Variants in RRP12 observed in about 807,000 individuals in gnomAD.
RRP12 encodes the protein RRP12-like protein.
A neutral mutation model predicts 157.3 loss-of-function variants in RRP12; 78 were observed. The ratio of observed to expected loss-of-function variants is 0.50; its 90% confidence interval spans 0.41 to 0.60. RRP12 has a LOEUF of 0.60. Among genes scored for constraint, RRP12 ranks in the 20% least tolerant of loss-of-function variants. RRP12 has a pLI of 0.00. For missense variants in RRP12, 1,521 were observed against 1,679.9 expected (o/e 0.91, Z 1.65); for synonymous variants, 726 against 670.9 (o/e 1.08, Z -1.27).
At chr10:97,376,863 A>G (rs1364047695) in intron 15 of RRP12, among the ~76,000 whole-genome samples, 1 of 151,564 alleles carries the variant, frequency 6.6e-6, no homozygotes, top group Non-Finnish European at 1.5e-5. Context: ...TCGGCAGGCC[A>G]TACAATTTCT....
At position 97,396,245 on chromosome 10, in the gene RRP12, C is replaced by G; in HGVS notation, c.426G>C (p.Glu142Asp). The G allele has an allele frequency of 6.2e-7, 1 of 1,613,624 alleles. No individual in the cohort carries two copies. Among genetic ancestry groups the G allele is most frequent in the South Asian group, 1.1e-5 (1 of 91,070 alleles). ...GAGCAGCGAAGTACTCAGTCTCCGT[C>G]TCCTTCCCTCCCTGGGAGCGAATCA... ...TEVIRSQGGKETETEYFAALM... is the reference protein window; with the variant it reads ...TEVIRSQGGKDTETEYFAALM... The change falls in exon 3 of 34, where the codon GAG becomes GAC. Residue 142 changes from glutamate (E) to aspartate (D), a missense_variant. Transcript: ENST00000370992.
rs997764353 is a variant in RRP12 at position 97,373,700 on chromosome 10, G to T, written c.1901C>A (p.Thr634Lys). The T allele has an allele frequency of 6.2e-6, 10 of 1,613,700 alleles. No individual in the cohort carries two copies. The African/African-American group carries it at 1.3e-4, about 22-fold the overall frequency. Residue 634 changes from threonine to lysine, a missense_variant, in exon 17 of 34, where the codon ACA becomes AAA. Physicochemically the swap from Thr to Lys is moderately conservative, Grantham distance 78. Coordinates refer to ENST00000370992, the MANE Select transcript of RRP12 (RefSeq NM_015179.4). The part of the protein sequence containing the change: ...TLLPGFCTRP[T>K]DVAISFKGLA... ...CCCTTTGAAGGAGATGGCCACATCT[G>T]TAGGCCTTGTGCAGAACCCAGGCAG...
chr10:97,372,179 G>A lies in RRP12; in HGVS notation c.2250-13C>T. 1 of 1,607,582 alleles carries A rather than the reference G, an allele frequency of 6.2e-7. No homozygotes were observed. Among genetic ancestry groups the A allele is most frequent in the Non-Finnish European group, 8.5e-7 (1 of 1,175,232 alleles). Reference sequence around the variant, plus strand: ...CAGGACAGACAATCTGCTCGGGGCAGGAGGACAAGGAGAGGGATGGGGAGC... The same window carrying A: ...CAGGACAGACAATCTGCTCGGGGCAAGAGGACAAGGAGAGGGATGGGGAGC... On this transcript the variant is annotated splice_polypyrimidine_tract_variant and intron_variant, in intron 19 of 33. Transcript: ENST00000370992.
intron 15 of RRP12, among the ~76,000 whole-genome samples, chr10:97,375,398 C>A (rs899848511): frequency 6.6e-6 from 1 of 152,136 alleles, no homozygotes; most frequent in African/African-American, 2.4e-5. Flanking sequence ...GCTGCTGCAT[C>A]TGGCCAAAAG....
In RRP12 at chr10:97,401,277, A is replaced by T. The variant is rs766206493; in HGVS notation, c.-46T>A. Reference sequence around the variant, plus strand: ...GAATGAGCTTAAATGACCGGCTTCCAGGGACGTAGAAACACGCTCAGAACC... The same window carrying T: ...GAATGAGCTTAAATGACCGGCTTCCTGGGACGTAGAAACACGCTCAGAACC... On this transcript the variant is annotated 5_prime_UTR_variant, in exon 1 of 34. Coordinates refer to ENST00000370992, the MANE Select transcript of RRP12 (RefSeq NM_015179.4). The T allele has an allele frequency of 2.5e-6, 4 of 1,611,192 alleles. No homozygotes were observed. In the Admixed American group the frequency reaches 6.7e-5, roughly 27 times the overall value.
intron 20 of RRP12, chr10:97,371,757 T>G: frequency 3.8e-6 from 1 of 263,842 alleles, no homozygotes; most frequent in Non-Finnish European, 7.4e-6. Flanking sequence ...AAGTAGAGAG[T>G]GGACTGGGTG....
Position 97,358,558 on chromosome 10 carries a change from T to C in RRP12, c.3770A>G (p.Asn1257Ser). ...ATACCTGCGGTTGAGCTTGCTTCTG[T>C]TGAGGGGGATGTAGGCATAGGGATC... ...RPDPYAYIPL[N>S]RSKLNRRKKM... The change falls in exon 33 of 34, where the codon AAC (asparagine) becomes AGC (serine). Residue 1257 changes from asparagine to serine, a missense_variant. By Grantham distance (46) the Asn-to-Ser change is conservative (BLOSUM62 1). Coordinates refer to ENST00000370992, the MANE Select transcript of RRP12 (RefSeq NM_015179.4). 1 of 1,613,860 alleles carries C rather than the reference T, an allele frequency of 6.2e-7. No individual in the cohort carries two copies. Among genetic ancestry groups the C allele is most frequent in the African/African-American group, 1.3e-5 (1 of 74,978 alleles).
intron 3 of RRP12, among the ~76,000 whole-genome samples, chr10:97,394,862 G>T (rs1465047909): frequency 6.6e-6 from 1 of 152,178 alleles, no homozygotes; most frequent in African/African-American, 2.4e-5. Context: ...TAATAACCAG[G>T]CTGGGCATGG....
chr10:97,356,864 T>A lies in RRP12; in HGVS notation c.*230A>T. 2.1e-6 allele frequency: 1 copy of A among 473,394 alleles called. No homozygotes were observed. Among genetic ancestry groups the A allele is most frequent in the Non-Finnish European group, 3.7e-6 (1 of 269,024 alleles). 29.3% of individuals were successfully genotyped at this position (473,394 alleles called of 1,614,324 possible). A position where few individuals can be genotyped will look rare whatever the true frequency, so the allele number is the denominator to read the frequency against. On this transcript the variant is annotated 3_prime_UTR_variant, in exon 34 of 34. Coordinates refer to ENST00000370992, the MANE Select transcript of RRP12 (RefSeq NM_015179.4). ...AGCAAAGGTGCCTCATGGCACCTACTCAGAGGCACTGAGGCCACATTCCCA... is the reference window on the plus strand; with the variant it reads ...AGCAAAGGTGCCTCATGGCACCTACACAGAGGCACTGAGGCCACATTCCCA...
chr10:97,367,872 C>T (rs183118422), intron 25 of RRP12, among the ~76,000 whole-genome samples: 1 of 152,208 alleles, frequency 6.6e-6, no homozygotes, highest in Admixed American at 6.5e-5. Flanking sequence ...GCTGGGATTA[C>T]AGGTGCCTGC....
At chr10:97,398,715 A>G (rs1191568289) in intron 2 of RRP12, among the ~76,000 whole-genome samples, 1 of 152,160 alleles carries the variant, frequency 6.6e-6, no homozygotes, top group South Asian at 2.1e-4. Flanking sequence ...TAGAAAACAT[A>G]TATTTGTAAC....
Position 97,393,742 on chromosome 10 carries a change from C to T in RRP12, c.472G>A (p.Val158Met), listed in dbSNP as rs747038009. 1.7e-5 allele frequency: 27 copies of T among 1,613,930 alleles called. No homozygotes were observed. The highest frequency in any genetic ancestry group is 2.2e-5 in the Non-Finnish European group (26 of 1,179,986). ...FAALMTTMEA[V>M]ESPESLAAVA... ...GCGGCCAGGGACTCCGGGGACTCCACTGCTTCCATTGTTGTCATCTGAGGG... is the reference window on the plus strand; with the variant it reads ...GCGGCCAGGGACTCCGGGGACTCCATTGCTTCCATTGTTGTCATCTGAGGG... Residue 158 changes from valine (V) to methionine (M), a missense_variant, in exon 4 of 34, where the codon GTG becomes ATG. By Grantham distance (21) the Val-to-Met change is conservative. Transcript: ENST00000370992.
rs1197961555 is a variant in RRP12, at chr10:97,401,306, G to A, written c.-75C>T. ...ACGTAGAAACACGCTCAGAACCCAC[G>A]TGGATACCCTGTAGCCTTCACTTCC... On this transcript the variant is annotated 5_prime_UTR_variant, in exon 1 of 34. In the 5' UTR this introduces an upstream ATG that the reference lacks. Coordinates refer to ENST00000370992, the MANE Select transcript of RRP12 (RefSeq NM_015179.4). 1.8e-5 allele frequency: 29 copies of A among 1,575,084 alleles called. No individual in the cohort carries two copies. The highest frequency in any genetic ancestry group is 2.4e-5 in the Non-Finnish European group (27 of 1,148,306).
intron 23 of RRP12, 58 bp from the exon 24 acceptor site, chr10:97,370,332 A>G: frequency 2.8e-6 from 4 of 1,410,516 alleles, no homozygotes; most frequent in Non-Finnish European, 2.0e-6. Flanking sequence ...AGGGGGGCTG[A>G]GGGCCAGAGA....
At chr10:97,391,648 G>C (rs984500181) in intron 4 of RRP12, among the ~76,000 whole-genome samples, 1 of 151,140 alleles carries the variant, frequency 6.6e-6, no homozygotes, top group African/African-American at 2.4e-5. Flanking sequence ...TCGGCCGGAC[G>C]CAGTGGCTCA....
rs1844596560 is a variant in RRP12 at position 97,385,274 on chromosome 10, G to A, written c.1117-17C>T. ...GTACAGGGCCTAAAAGTGGGAATAA[G>A]CAGGTGACTGAGCATGCAGGGTCTG... On this transcript the variant is annotated splice_polypyrimidine_tract_variant and intron_variant, in intron 9 of 33. Transcript: ENST00000370992. 1.9e-6 allele frequency: 3 copies of A among 1,594,010 alleles called. No homozygotes were observed. The highest frequency in any genetic ancestry group is 2.2e-5 in the South Asian group (2 of 90,612).
At chr10:97,357,269 C>G in intron 33 of RRP12, 73 bp from the exon 34 acceptor site, 2 of 959,220 alleles carry the variant, frequency 2.1e-6, no homozygotes, top group Non-Finnish European at 3.2e-6. Flanking sequence ...CAAATGATGG[C>G]TCACCCCCAG....
Position 97,370,528 on chromosome 10 carries a change from G to A in RRP12, c.2616C>T (p.Gly872=), listed in dbSNP as rs367843722. The change falls in exon 23 of 34, where the codon GGC becomes GGT. Residue 872 remains glycine, a synonymous_variant. Transcript: ENST00000370992. ...VILCTKEVSV[G]ARKNAFALLV... The stretch of plus-strand genomic sequence containing the variant: ...GCAGTGCAAAAGCGTTCTTCCGTGC[G>A]CCCACCGACACCTCCTTGGTGCACA... 1.0e-4 allele frequency: 162 copies of A among 1,610,754 alleles called. No individual in the cohort carries two copies. The highest frequency in any genetic ancestry group is 2.0e-4 in the Admixed American group (12 of 59,314).
chr10:97,398,021 A>ATT (rs1348075035), intron 2 of RRP12, among the ~76,000 whole-genome samples: 1 of 62,368 alleles, frequency 1.6e-5, no homozygotes, highest in Non-Finnish European at 3.4e-5. Context: ...ATATATATAT[A>ATT]TGTATATATA....
Sources: gnomAD v4.1 joint callset for allele counts (sites outside exome capture counted in the v4.1 genomes callset) on GRCh38, gnomAD v4.1.1 for gene constraint, MANE v1.5 for transcripts, NCBI Gene and HGNC (gene_info 2026-07-23, HGNC 2026-07-21) for gene names.